ADCY1: variants seen among roughly 807,000 people sequenced by gnomAD.
The protein encoded by ADCY1 is adenylate cyclase type 1.
In ADCY1, 28 loss-of-function variants were observed where a neutral mutation model predicts 105.4. That is an observed-to-expected ratio of 0.27 (90% CI 0.20 to 0.36). The LOEUF (loss-of-function observed/expected upper bound fraction) is 0.36, where lower values mean the gene tolerates loss of function less well. Among genes scored for constraint, ADCY1 ranks in the 10% least tolerant of loss-of-function variants. The pLI, the probability that ADCY1 is intolerant of heterozygous loss-of-function variation, is 1.00. For missense variants in ADCY1, 977 were observed against 1,434.2 expected, an observed-to-expected ratio of 0.68 and a Z score of 5.15; for synonymous variants, 655 against 623.8, an observed-to-expected ratio of 1.05 and a Z score of -0.75.
intron 14 of ADCY1, among the ~76,000 whole-genome samples, chr7:45,699,579 C>T (rs959481389): frequency 2.8e-5 from 4 of 141,402 alleles, no homozygotes; most frequent in African/African-American, 7.6e-5. Context: ...AGGTGGAGAA[C>T]GTGTGGTGGT....
chr7:45,704,218 A>G (rs891631090), intron 16 of ADCY1, among the ~76,000 whole-genome samples: 6 of 152,030 alleles, frequency 3.9e-5, no homozygotes, highest in Non-Finnish European at 5.9e-5. Flanking sequence ...GGGTGCCTCC[A>G]GGCCCCCCCC....
rs1174309151 is a variant in ADCY1 at position 45,622,499 on chromosome 7, T to C, written c.909-133T>C. On this transcript the variant is annotated intron_variant, in intron 3 of 19. Transcript: ENST00000297323. ...TGATGGGAACCAGGAAGCCTTCATT[T>C]CTGGTCTGCATTGAGGAATAAATGG... 4.2e-5 allele frequency: 28 copies of C among 660,406 alleles called. 1 individual carries two copies. In the East Asian group the frequency reaches 7.7e-4, roughly 18 times the overall value. 40.9% of individuals were successfully genotyped at this position (660,406 alleles called of 1,614,324 possible).
At chr7:45,578,625 C>CA (rs1792422200) in intron 1 of ADCY1, among the ~76,000 whole-genome samples, 1 of 152,172 alleles carries the variant, frequency 6.6e-6, no homozygotes, top group Non-Finnish European at 1.5e-5. Context: ...CTCACAGACT[C>CA]AGAGAGCCTC....
At chr7:45,694,520 GTC>G (rs1006964287) in intron 14 of ADCY1, among the ~76,000 whole-genome samples, 1 of 152,090 alleles carries the variant, frequency 6.6e-6, no homozygotes, top group African/African-American at 2.4e-5. Flanking sequence ...AAGAAGAAAG[GTC>G]TCTCTCAAAT....
At position 45,714,446 on chromosome 7, in the gene ADCY1, C is replaced by G. The variant is rs940695028; in HGVS notation, c.*451C>G. ...CTGAGACAGCCCTGTCCGCCCCGCC[C>G]AGGTGGGACCTGACATACAGGCGGC... On this transcript the variant is annotated 3_prime_UTR_variant, in exon 20 of 20. Transcript: ENST00000297323. 1 of 168,172 alleles carries G rather than the reference C, an allele frequency of 5.9e-6. No individual in the cohort carries two copies. Among genetic ancestry groups the G allele is most frequent in the Non-Finnish European group, 1.3e-5 (1 of 77,946 alleles). The allele number at this position is 168,172 out of a possible 1,614,324, so 10.4% of individuals were successfully genotyped here.
At chr7:45,656,141 AT>A (rs1794936927) in intron 5 of ADCY1, among the ~76,000 whole-genome samples, 3 of 151,766 alleles carry the variant, frequency 2.0e-5, no homozygotes, top group South Asian at 4.2e-4. Flanking sequence ...CAAAAAAAAA[AT>A]AAAAATAAAA....
chr7:45,629,759 T>G (rs912007694), intron 4 of ADCY1, among the ~76,000 whole-genome samples: 1 of 152,148 alleles, frequency 6.6e-6, no homozygotes, highest in East Asian at 1.9e-4. Context: ...GACCTCATGA[T>G]CCACCCGCCT....
chr7:45,672,640 T>C lies in ADCY1; in HGVS notation c.1606-5229T>C, dbSNP rs1425439190. On this transcript the variant is annotated intron_variant, in intron 8 of 19. Coordinates refer to ENST00000297323, the MANE Select transcript of ADCY1 (RefSeq NM_021116.4). ...ACTAATATAAAGAAATACCATTATT[T>C]TTTACGTTTATCTTTTATACTGTCA... is the stretch of plus-strand genomic sequence containing the variant. 7.2e-5 allele frequency among the ~76,000 whole-genome samples: 11 copies of C among 152,268 alleles called. 1 individual carries two copies. The East Asian group carries it at 1.7e-3, about 24-fold the overall frequency.
chr7:45,694,968 C>T (rs1410909691), intron 14 of ADCY1, among the ~76,000 whole-genome samples: 1 of 152,240 alleles, frequency 6.6e-6, no homozygotes, highest in African/African-American at 2.4e-5. Context: ...CAACTAGAGA[C>T]TTGAAGAGAC....
At position 45,685,682 on chromosome 7, in the gene ADCY1, G is replaced by A. The variant is rs568845760; in HGVS notation, c.2074-280G>A. Among the ~76,000 whole-genome samples the A allele has an allele frequency of 1.4e-4, 22 of 151,938 alleles. No homozygotes were observed. The South Asian group carries it at 4.6e-3, about 32-fold the overall frequency. ...GCTGGGGCAGGAGTAACAGGTTGGA[G>A]CTGGGGGCAGGAGTAACAGGTTGGA... On this transcript the variant is annotated intron_variant, in intron 12 of 19. Coordinates refer to ENST00000297323, the MANE Select transcript of ADCY1 (RefSeq NM_021116.4).
intron 14 of ADCY1, among the ~76,000 whole-genome samples, chr7:45,691,283 G>A (rs568359191): frequency 2.0e-5 from 3 of 152,316 alleles, no homozygotes; most frequent in African/African-American, 7.2e-5. Flanking sequence ...TTGTGCATGC[G>A]TGTCACAAGA....
At chr7:45,669,719 A>T (rs555073428) in intron 8 of ADCY1, among the ~76,000 whole-genome samples, 47 of 152,314 alleles carry the variant, frequency 3.1e-4, no homozygotes, top group African/African-American at 6.3e-4. Flanking sequence ...AAATTTTTTT[A>T]AAATATAACT....
chr7:45,660,708 GAGGTGTTCAGGGGACAGGTGAGGTGTT>G (rs1347095434), intron 7 of ADCY1, among the ~76,000 whole-genome samples: 3 of 151,464 alleles, frequency 2.0e-5, no homozygotes, highest in Non-Finnish European at 4.4e-5. Context: ...AGGCTCAAGT[GAGGTGTTCAGGGGACAGGTGAGGTGTT>G]CAGGGCTCAG....
Position 45,647,783 on chromosome 7 carries a change from G to T in ADCY1, c.1021-887G>T, listed in dbSNP as rs980346651. ...AAAATGTTATTTATGTTAACATGCAGTGGATTCATTATTATTTTAAATGCA... is the reference window on the plus strand; with the variant it reads ...AAAATGTTATTTATGTTAACATGCATTGGATTCATTATTATTTTAAATGCA... On this transcript the variant is annotated intron_variant, in intron 4 of 19. Coordinates refer to ENST00000297323, the MANE Select transcript of ADCY1 (RefSeq NM_021116.4). This position sits in a 1 kb window ranked among gnomAD's most constrained non-coding sequence, Gnocchi z 4.6. Among the ~76,000 whole-genome samples, 1 of 152,194 alleles carries T rather than the reference G, an allele frequency of 6.6e-6. No individual in the cohort carries two copies. The highest frequency in any genetic ancestry group is 1.5e-5 in the Non-Finnish European group (1 of 68,036).
intron 2 of ADCY1, 63 bp downstream of exon 2, chr7:45,592,971 C>T: frequency 6.3e-7 from 1 of 1,591,752 alleles, no homozygotes; most frequent in Non-Finnish European, 8.6e-7. Flanking sequence ...GTGGAAGAAG[C>T]TGGCTTCCTG....
chr7:45,688,072 G>A (rs80219880), intron 14 of ADCY1, among the ~76,000 whole-genome samples: 2,412 of 152,290 alleles, frequency 0.016, 34 homozygotes, highest in Middle Eastern at 0.024. Context: ...TGTTCCTGAG[G>A]CTGACTGGGC....
At chr7:45,650,503 G>A (rs1275772067) in intron 5 of ADCY1, among the ~76,000 whole-genome samples, 2 of 152,082 alleles carry the variant, frequency 1.3e-5, no homozygotes, top group African/African-American at 4.8e-5. Flanking sequence ...GCCCCCACTC[G>A]GTGCTGAGCA....
chr7:45,671,622 G>A (rs1032862635), intron 8 of ADCY1, among the ~76,000 whole-genome samples: 1 of 152,142 alleles, frequency 6.6e-6, no homozygotes, highest in Non-Finnish European at 1.5e-5. Flanking sequence ...GTTCTAATAA[G>A]TATGTAGTGA....
At chr7:45,577,128 A>C (rs1168839334) in intron 1 of ADCY1, among the ~76,000 whole-genome samples, 1 of 152,152 alleles carries the variant, frequency 6.6e-6, no homozygotes, top group Non-Finnish European at 1.5e-5. Flanking sequence ...CTTAGGGAGC[A>C]GACATCTGGG....
Sources: allele counts gnomAD v4.1 joint callset (sites outside exome capture counted in the v4.1 genomes callset), GRCh38; gene constraint gnomAD v4.1.1; non-coding constraint Gnocchi (gnomAD v3.1); transcripts MANE v1.5; gene names NCBI Gene and HGNC (gene_info 2026-07-23, HGNC 2026-07-21).